CDCA7L: variants seen among roughly 807,000 people sequenced by gnomAD.
CDCA7L encodes the protein cell division cycle-associated 7-like protein.
A neutral mutation model predicts 57.4 loss-of-function variants in CDCA7L; 44 were observed. The ratio of observed to expected loss-of-function variants is 0.77; its 90% CI spans 0.60 to 0.98. The LOEUF is 0.98. Ranked by LOEUF, CDCA7L falls within the 50% of genes least tolerant of loss-of-function variation. The pLI, the probability that CDCA7L is intolerant of heterozygous loss-of-function variation, is 0.00. For missense variants in CDCA7L, 644 were observed against 580.6 expected (o/e 1.11, Z -1.12); for synonymous variants, 236 against 202.8 (o/e 1.16, Z -1.39).
At position 21,917,001 on chromosome 7, in the gene CDCA7L, C is replaced by T. The variant is rs550754216; in HGVS notation, c.25-107G>A. 2.6e-5 allele frequency: 35 copies of T among 1,344,290 alleles called. No homozygotes were observed. In the African/African-American group the frequency reaches 3.3e-4, roughly 13 times the overall value. The allele number at this position is 1,344,290 out of a possible 1,614,324, so 83.3% of individuals were successfully genotyped here. On this transcript the variant is annotated intron_variant, in intron 1 of 9. Transcript: ENST00000406877. The stretch of plus-strand genomic sequence containing the variant: ...ATCTCATCACTTCATCCAACTGCCA[C>T]GGTTGCCCAGAAGTCCCCAGTAACC...
chr7:21,915,817 T>A (rs1027960839), intron 2 of CDCA7L, among the ~76,000 whole-genome samples: 3 of 151,808 alleles, frequency 2.0e-5, no homozygotes, highest in African/African-American at 7.3e-5. Flanking sequence ...GACACAATGA[T>A]ACTCCATCTT....
In CDCA7L at chr7:21,901,113, A is replaced by AGAAAC. The variant is rs1358416770; in HGVS notation, c.*1204_*1208dup. ...CAAAAGCCACCCCCGTGGACAGACA[A>AGAAAC]GAAACCAAACAGACCTACGAGTGCC... is the stretch of plus-strand genomic sequence containing the variant. On this transcript the variant is annotated 3_prime_UTR_variant, in exon 10 of 10. Coordinates refer to ENST00000406877, the MANE Select transcript of CDCA7L (RefSeq NM_018719.5). 6.2e-7 allele frequency: 1 copy of AGAAAC among 1,613,334 alleles called. No individual in the cohort carries two copies. The highest frequency in any genetic ancestry group is 8.5e-7 in the Non-Finnish European group (1 of 1,179,502).
chr7:21,932,730 A>T (rs1017757193), intron 1 of CDCA7L, among the ~76,000 whole-genome samples: 3 of 152,242 alleles, frequency 2.0e-5, no homozygotes, highest in African/African-American at 7.2e-5. Context: ...ACCATTCAGG[A>T]CATAGGCAGG....
rs1358467264 is a variant in CDCA7L, at chr7:21,904,204, C to T, written c.1103G>A (p.Arg368Gln). ...TCGCACACCACAGCAACCCTGGTTC[C>T]GACACACTGTCTTGGTGTCGATGGT... ...QKTIDTKTVCRNQGCCGVRGQ... is the reference protein window; with the variant it reads ...QKTIDTKTVCQNQGCCGVRGQ... Residue 368 changes from arginine (R) to glutamine (Q), a missense_variant, in exon 8 of 10, where the codon CGG becomes CAG. Arg to Gln is a conservative substitution (Grantham distance 43, BLOSUM62 1). Coordinates refer to ENST00000406877, the MANE Select transcript of CDCA7L (RefSeq NM_018719.5). 8 of 1,613,650 alleles carry T rather than the reference C, an allele frequency of 5.0e-6. No individual in the cohort carries two copies. Among genetic ancestry groups the T allele is most frequent in the Admixed American group, 1.7e-5 (1 of 59,948 alleles).
In CDCA7L at chr7:21,932,134, G is replaced by A. The variant is rs190539555; in HGVS notation, c.24+13647C>T. ...CTCTTTAAGGAAACTACAAACCACTGCTCAAGGAAGTAAGAGAGGAAACAA... is the reference window on the plus strand; with the variant it reads ...CTCTTTAAGGAAACTACAAACCACTACTCAAGGAAGTAAGAGAGGAAACAA... On this transcript the variant is annotated intron_variant, in intron 1 of 9. Transcript: ENST00000406877. Among the ~76,000 whole-genome samples the A allele has an allele frequency of 1.3e-4, 20 of 152,240 alleles. No individual in the cohort carries two copies. The East Asian group carries it at 3.5e-3, about 26-fold the overall frequency.
intron 3 of CDCA7L, 50 bp from the exon 4 acceptor site, chr7:21,908,557 C>CA (rs1785214177): frequency 4.3e-6 from 6 of 1,386,904 alleles, no homozygotes; most frequent in Non-Finnish European, 5.6e-6. Flanking sequence ...TACAGACCCA[C>CA]AAAAAAGACA....
chr7:21,914,487 G>A (rs1015853621), intron 2 of CDCA7L, among the ~76,000 whole-genome samples: 2 of 152,228 alleles, frequency 1.3e-5, no homozygotes, highest in African/African-American at 4.8e-5. Flanking sequence ...CATGGAAGAA[G>A]TAGCATAACT....
chr7:21,912,763 G>C (rs751375720), intron 2 of CDCA7L, among the ~76,000 whole-genome samples: 21 of 152,208 alleles, frequency 1.4e-4, no homozygotes, highest in Non-Finnish European at 1.5e-4. Flanking sequence ...AATTTCTCTC[G>C]TGCAGGAGGT....
At chr7:21,928,552 T>C (rs1785896567) in intron 1 of CDCA7L, among the ~76,000 whole-genome samples, 1 of 151,806 alleles carries the variant, frequency 6.6e-6, no homozygotes, top group Non-Finnish European at 1.5e-5. Flanking sequence ...ACTAAGAACC[T>C]TGAAAAAAGG....
chr7:21,911,415 G>T (rs4346898), intron 3 of CDCA7L, among the ~76,000 whole-genome samples: 46,642 of 151,906 alleles, frequency 0.31, 8,462 homozygotes, highest in Non-Finnish European at 0.4. Context: ...AAGATGAATG[G>T]ATTTTCTCTA....
In CDCA7L at chr7:21,935,288, C is replaced by T. The variant is rs544620874; in HGVS notation, c.24+10493G>A. 2.6e-5 allele frequency among the ~76,000 whole-genome samples: 4 copies of T among 152,130 alleles called. No individual in the cohort carries two copies. In the South Asian group the frequency reaches 6.2e-4, roughly 24 times the overall value. ...AATTAAATAACATATTCCTAAACAA[C>T]CATGGGTCAAAGAAGACATCACAAG... On this transcript the variant is annotated intron_variant, in intron 1 of 9. Transcript: ENST00000406877.
At chr7:21,934,665 A>G (rs1230473887) in intron 1 of CDCA7L, among the ~76,000 whole-genome samples, 1 of 152,190 alleles carries the variant, frequency 6.6e-6, no homozygotes, top group Non-Finnish European at 1.5e-5. Flanking sequence ...ACAACTCTAC[A>G]CTATCTACAA....
At chr7:21,930,342 A>G (rs985724486) in intron 1 of CDCA7L, among the ~76,000 whole-genome samples, 1 of 152,212 alleles carries the variant, frequency 6.6e-6, no homozygotes, top group South Asian at 2.1e-4. Flanking sequence ...TTATAGCACT[A>G]AATGCCCACA....
intron 3 of CDCA7L, among the ~76,000 whole-genome samples, chr7:21,911,327 A>C (rs1175836916): frequency 6.6e-6 from 1 of 151,934 alleles, no homozygotes; most frequent in Non-Finnish European, 1.5e-5. Context: ...GTGCCTGGCC[A>C]AGAGAGATAA....
At position 21,900,948 on chromosome 7, in the gene CDCA7L, GATCATT is replaced by G. The variant is rs1784783613; in HGVS notation, c.*1368_*1373del. The G allele has an allele frequency of 2.4e-5, 33 of 1,390,144 alleles. 1 individual carries two copies. Among genetic ancestry groups the G allele is most frequent in the Middle Eastern group, 3.8e-4 (2 of 5,260 alleles). The allele number at this position is 1,390,144 out of a possible 1,614,324, so 86.1% of individuals were successfully genotyped here. ...GTTTATTGCATCAAACAACTTACTT[GATCATT>G]ATCATTAGTAGCAAGCTGCCACACA... is the stretch of plus-strand genomic sequence containing the variant. On this transcript the variant is annotated 3_prime_UTR_variant, in exon 10 of 10. Transcript: ENST00000406877.
At chr7:21,911,484 A>T (rs1391594371) in intron 3 of CDCA7L, 133 bp downstream of exon 3, 1 of 1,110,768 alleles carries the variant, frequency 9.0e-7, no homozygotes, top group Admixed American at 2.8e-5. Flanking sequence ...TTTTTAGGTT[A>T]TGTTAATTGC....
intron 3 of CDCA7L, among the ~76,000 whole-genome samples, chr7:21,910,695 G>C (rs1231044142): frequency 2.0e-5 from 3 of 152,220 alleles, no homozygotes; most frequent in Non-Finnish European, 4.4e-5. Context: ...TCAAACACGA[G>C]TGGGCAGTAA....
In CDCA7L at chr7:21,906,326, T is replaced by A; in HGVS notation, c.884A>T (p.Glu295Val). ...NFTVSAAKFA[E>V]EFYSFRRRKT... is the part of the protein sequence containing the mutation. ...CCTTCTTCGGAAGCTGTAAAACTCT[T>A]CCGCAAATTTAGCGGCTGAGACAGT... Residue 295 changes from glutamate to valine, a missense_variant, in exon 6 of 10, where the codon GAA becomes GTA. Glu to Val is a moderately radical substitution (Grantham distance 121). Transcript: ENST00000406877. 1 of 1,608,798 alleles carries A rather than the reference T, an allele frequency of 6.2e-7. No homozygotes were observed. Among genetic ancestry groups the A allele is most frequent in the South Asian group, 1.1e-5 (1 of 90,462 alleles).
chr7:21,906,028 AG>A (rs1012407069), intron 6 of CDCA7L, among the ~76,000 whole-genome samples: 3 of 152,226 alleles, frequency 2.0e-5, no homozygotes, highest in East Asian at 1.9e-4. Context: ...AGATTAAAGC[AG>A]GGTCCTAACA....
Sources: allele counts gnomAD v4.1 joint callset (sites outside exome capture counted in the v4.1 genomes callset), GRCh38; gene constraint gnomAD v4.1.1; transcripts MANE v1.5; gene names NCBI Gene and HGNC (gene_info 2026-07-23, HGNC 2026-07-21).